The following IGF2BP2 variants were observed in gnomAD, a reference collection of about 807,000 sequenced individuals.
The protein encoded by IGF2BP2 is insulin like growth factor 2 mRNA binding protein 2.
IGF2BP2 carries 17 observed loss-of-function variants against 75.8 expected under a neutral mutation model. That is an observed-to-expected ratio of 0.22 (90% CI 0.15 to 0.34). IGF2BP2 has a LOEUF of 0.34. Among genes scored for constraint, IGF2BP2 ranks in the 10% least tolerant of loss-of-function variants. The pLI is 1.00. For synonymous variants in IGF2BP2, 288 were observed against 295.6 expected (o/e 0.97, Z 0.26); for missense variants, 516 against 772.4 (o/e 0.67, Z 3.93).
rs116118839 is a variant in IGF2BP2 at position 185,666,321 on chromosome 3, C to T, written c.1200+6220G>A. ...GTTAATTCTAAACAACTGGATTATG[C>T]GGTTGTGTATTTATTAAGAACACAA... On this transcript the variant is annotated intron_variant, in intron 10 of 15. Coordinates refer to ENST00000382199, the MANE Select transcript of IGF2BP2 (RefSeq NM_006548.6). Among the ~76,000 whole-genome samples the T allele has an allele frequency of 4.2e-3, 639 of 152,212 alleles. 6 individuals are homozygous for T. Among genetic ancestry groups the T allele is most frequent in the African/African-American group, 0.015 (605 of 41,536 alleles).
At chr3:185,807,020 C>CCA (rs1739114325) in intron 2 of IGF2BP2, among the ~76,000 whole-genome samples, 1 of 152,052 alleles carries the variant, frequency 6.6e-6, no homozygotes. Flanking sequence ...TCATGGCTAA[C>CCA]CACAGTATGG....
chr3:185,754,122 T>C (rs113805683), intron 2 of IGF2BP2, among the ~76,000 whole-genome samples: 40,521 of 151,782 alleles, frequency 0.27, 6,049 homozygotes, highest in African/African-American at 0.41. Flanking sequence ...GGCAGGAGAA[T>C]TGCTTGAGCC....
At chr3:185,658,439 G>T in intron 10 of IGF2BP2, 30 bp from the exon 11 acceptor site, 1 of 1,600,424 alleles carries the variant, frequency 6.2e-7, no homozygotes, top group Non-Finnish European at 8.6e-7. Flanking sequence ...GTCAGTGGGC[G>T]GGTGCTCTCA....
chr3:185,772,055 T>C (rs1383962435), intron 2 of IGF2BP2, among the ~76,000 whole-genome samples: 5 of 152,314 alleles, frequency 3.3e-5, no homozygotes, highest in African/African-American at 1.2e-4. Flanking sequence ...TCTGTTTCTA[T>C]TACTCAGAAC....
At chr3:185,752,973 A>C (rs1428991193) in intron 2 of IGF2BP2, among the ~76,000 whole-genome samples, 1 of 152,226 alleles carries the variant, frequency 6.6e-6, no homozygotes, top group Non-Finnish European at 1.5e-5. Flanking sequence ...TTCATTCACA[A>C]CAGAGAGAAT....
chr3:185,762,359 C>T (rs1344954768), intron 2 of IGF2BP2, among the ~76,000 whole-genome samples: 1 of 129,964 alleles, frequency 7.7e-6, no homozygotes, highest in African/African-American at 3.1e-5. Context: ...GAAACCCAGG[C>T]TTTACTTAAA....
Position 185,658,387 on chromosome 3 carries a change from C to A in IGF2BP2, c.1223G>T (p.Ser408Ile). 1 of 1,613,980 alleles carries A rather than the reference C, an allele frequency of 6.2e-7. No homozygotes were observed. The highest frequency in any genetic ancestry group is 8.5e-7 in the Non-Finnish European group (1 of 1,179,914). The change falls in exon 11 of 16, where the codon AGC (serine) becomes ATC (isoleucine). Residue 408 changes from serine to isoleucine, a missense_variant. Coordinates refer to ENST00000382199, the MANE Select transcript of IGF2BP2 (RefSeq NM_006548.6). The part of the protein sequence containing the change: ...PFTTHSGYFS[S>I]LYPHHQFGPF... ...GCCAAACTGGTGATGGGGGTACAGGCTGGAGAAGTATCCGGAGTGGGTCTG... is the reference window on the plus strand; with the variant it reads ...GCCAAACTGGTGATGGGGGTACAGGATGGAGAAGTATCCGGAGTGGGTCTG...
At chr3:185,702,504 A>G (rs879877761) in intron 2 of IGF2BP2, among the ~76,000 whole-genome samples, 4 of 152,204 alleles carry the variant, frequency 2.6e-5, no homozygotes, top group Non-Finnish European at 5.9e-5. Context: ...CTTTAAAATA[A>G]TAATTTCACA....
chr3:185,665,715 C>T (rs938074302), intron 10 of IGF2BP2, among the ~76,000 whole-genome samples: 3 of 152,232 alleles, frequency 2.0e-5, no homozygotes, highest in African/African-American at 7.2e-5. Flanking sequence ...ACCTGTAATC[C>T]CAGCACTTTG....
At chr3:185,726,398 T>A (rs1727331372) in intron 2 of IGF2BP2, among the ~76,000 whole-genome samples, 1 of 152,280 alleles carries the variant, frequency 6.6e-6, no homozygotes, top group Non-Finnish European at 1.5e-5. Context: ...TCCATTCAGA[T>A]GGAAATTTCC....
intron 2 of IGF2BP2, among the ~76,000 whole-genome samples, chr3:185,761,712 T>C (rs1423745476): frequency 1.3e-5 from 2 of 152,242 alleles, no homozygotes; most frequent in Non-Finnish European, 2.9e-5. Flanking sequence ...TCAACTAATC[T>C]GGACCCAAGC....
Position 185,824,971 on chromosome 3 carries a change from C to T in IGF2BP2, c.-11G>A. ...AAGCTTGTTCATCATCCGTCTCTTC[C>T]CCGAGAGCCCGCGGCTCCCCCGGCC... On this transcript the variant is annotated 5_prime_UTR_variant, in exon 1 of 16. Coordinates refer to ENST00000382199, the MANE Select transcript of IGF2BP2 (RefSeq NM_006548.6). 6.7e-7 allele frequency: 1 copy of T among 1,493,624 alleles called. No homozygotes were observed. Among genetic ancestry groups the T allele is most frequent in the Non-Finnish European group, 9.0e-7 (1 of 1,107,090 alleles). The allele number at this position is 1,493,624 out of a possible 1,614,324, so 92.5% of individuals were successfully genotyped here.
At chr3:185,652,318 C>T (rs1714737388) in intron 12 of IGF2BP2, 150 bp from the exon 13 acceptor site, 3 of 669,568 alleles carry the variant, frequency 4.5e-6, no homozygotes, top group African/African-American at 1.8e-5. Context: ...ATGCTGCCTC[C>T]ACCCTGGTCT....
intron 2 of IGF2BP2, among the ~76,000 whole-genome samples, chr3:185,797,897 T>TAA (rs35850351): frequency 0.012 from 1,071 of 90,344 alleles, 27 homozygotes; most frequent in African/African-American, 0.047. Context: ...CCCTGTCTCT[T>TAA]AAAAAAAAAA....
chr3:185,751,749 G>C (rs895456629), intron 2 of IGF2BP2, among the ~76,000 whole-genome samples: 1 of 152,062 alleles, frequency 6.6e-6, no homozygotes, highest in Admixed American at 6.5e-5. Context: ...CGGATCACGA[G>C]GTCAAGAGAT....
intron 2 of IGF2BP2, among the ~76,000 whole-genome samples, chr3:185,704,435 G>C (rs770183193): frequency 6.6e-6 from 1 of 152,118 alleles, no homozygotes; most frequent in East Asian, 1.9e-4. Context: ...TGATAGCCAA[G>C]TCCAACCCTC....
intron 2 of IGF2BP2, among the ~76,000 whole-genome samples, chr3:185,785,128 C>T (rs1457163984): frequency 1.3e-5 from 2 of 151,924 alleles, no homozygotes; most frequent in African/African-American, 4.8e-5. Context: ...TGGAGACACC[C>T]AGCCTCTACT....
intron 2 of IGF2BP2, among the ~76,000 whole-genome samples, chr3:185,814,679 G>C (rs1740362626): frequency 1.3e-5 from 2 of 152,074 alleles, no homozygotes; most frequent in South Asian, 4.1e-4. Context: ...TTGTCAAAAA[G>C]CATGGCGTCT....
At chr3:185,805,703 G>T (rs113292136) in intron 2 of IGF2BP2, among the ~76,000 whole-genome samples, 2 of 151,998 alleles carry the variant, frequency 1.3e-5, no homozygotes, top group African/African-American at 4.8e-5. Flanking sequence ...CTGTGCTCAC[G>T]GAATTCCCTG....
Sources: allele counts gnomAD v4.1 joint callset (sites outside exome capture counted in the v4.1 genomes callset), GRCh38; gene constraint gnomAD v4.1.1; transcripts MANE v1.5; gene names NCBI Gene and HGNC (gene_info 2026-07-23, HGNC 2026-07-21).